Variants in RIC3 observed in about 807,000 individuals in gnomAD.
RIC3 encodes the protein RIC3 acetylcholine receptor chaperone.
In RIC3, 28 loss-of-function variants were observed where a neutral mutation model predicts 27.3. The observed-to-expected ratio is 1.02, with a 90% CI of 0.76 to 1.41. RIC3 has a LOEUF of 1.41. Among genes scored for constraint, RIC3 ranks in the 40% most tolerant of loss-of-function variants. The probability of loss-of-function intolerance (pLI) is 0.00; values close to 1 mark genes in which losing one functional copy is unlikely to be tolerated. For synonymous variants in RIC3, 184 were observed against 160.4 expected (o/e 1.15, Z -1.11); for missense variants, 501 against 444.7 (o/e 1.13, Z -1.14).
At chr11:8,151,043 G>A (rs1170249896) in intron 1 of RIC3, among the ~76,000 whole-genome samples, 2 of 152,158 alleles carry the variant, frequency 1.3e-5, no homozygotes, top group Non-Finnish European at 2.9e-5. Flanking sequence ...AAATCTTACA[G>A]GAAAACATAG....
At chr11:8,158,658 G>T (rs1024211799) in intron 1 of RIC3, among the ~76,000 whole-genome samples, 1 of 149,820 alleles carries the variant, frequency 6.7e-6, no homozygotes, top group Admixed American at 6.7e-5. Flanking sequence ...TCAGGAGAAT[G>T]AGATCTTAGT....
chr11:8,124,283 C>A (rs561504930), intron 5 of RIC3, among the ~76,000 whole-genome samples: 2 of 152,218 alleles, frequency 1.3e-5, no homozygotes, highest in South Asian at 4.2e-4. Context: ...ACCCTGAAAT[C>A]AAAACCAAAG....
the RIC3 span, among the ~76,000 whole-genome samples, chr11:8,099,936 G>A: frequency 3.9e-5 from 6 of 152,226 alleles, no homozygotes; most frequent in Non-Finnish European, 8.8e-5. Context: ...CCACGTGCAG[G>A]TGAAGTCACA....
At chr11:8,097,870 G>C in the RIC3 span, 1 of 1,491,204 alleles carries the variant, frequency 6.7e-7, no homozygotes, top group Non-Finnish European at 9.3e-7. Context: ...GGGAGGGAGG[G>C]GCAGGGGCAA....
intron 5 of RIC3, among the ~76,000 whole-genome samples, chr11:8,117,189 C>T (rs71474963): frequency 0.019 from 2,840 of 152,296 alleles, 40 homozygotes; most frequent in Non-Finnish European, 0.03. Context: ...CCACCTCAGC[C>T]TCCCAAGTTG....
intron 5 of RIC3, among the ~76,000 whole-genome samples, chr11:8,126,120 A>G (rs1167380392): frequency 6.6e-6 from 1 of 152,220 alleles, no homozygotes; most frequent in African/African-American, 2.4e-5. Flanking sequence ...AAATACAAAT[A>G]TATGTTCAAA....
At chr11:8,111,180 TCA>T in intron 5 of RIC3, 43 bp from the exon 6 acceptor site, 1 of 1,181,042 alleles carries the variant, frequency 8.5e-7, no homozygotes, top group Admixed American at 2.9e-5. Context: ...GAATGTCTCC[TCA>T]AAAAAAAAAA....
downstream of RIC3, chr11:8,101,771 T>C: frequency 7.6e-7 from 1 of 1,307,286 alleles, no homozygotes; most frequent in Non-Finnish European, 1.0e-6. Flanking sequence ...AGCCAGGAAC[T>C]GGCTCCTTTG....
Position 8,126,651 on chromosome 11 carries a change from C to G in RIC3, c.670+8G>C, listed in dbSNP as rs751877035. The G allele has an allele frequency of 1.2e-6, 2 of 1,613,786 alleles. No homozygotes were observed. The highest frequency in any genetic ancestry group is 1.7e-5 in the Admixed American group (1 of 59,998). On this transcript the variant is annotated splice_region_variant and intron_variant, in intron 5 of 5. Coordinates refer to ENST00000309737, the MANE Select transcript of RIC3 (RefSeq NM_001206671.4). Reference sequence around the variant, plus strand: ...CAGCTAACAAAAAAATGAGAAGACACTGTTTACCTTCCCAGTCCTCCATGT... The same window carrying G: ...CAGCTAACAAAAAAATGAGAAGACAGTGTTTACCTTCCCAGTCCTCCATGT...
chr11:8,097,619 G>GACGCA, the RIC3 span: 3 of 1,321,654 alleles, frequency 2.3e-6, no homozygotes, highest in Non-Finnish European at 3.2e-6. Flanking sequence ...GCGTTTGGGA[G>GACGCA]CTGACGCAAC....
the RIC3 span, chr11:8,096,806 G>A: frequency 6.2e-7 from 1 of 1,614,142 alleles, no homozygotes; most frequent in African/African-American, 1.3e-5. Flanking sequence ...AGTCCGTCAG[G>A]GTGAGTGAGT....
chr11:8,115,720 A>G (rs1020281158), intron 5 of RIC3, among the ~76,000 whole-genome samples: 1 of 152,154 alleles, frequency 6.6e-6, no homozygotes, highest in South Asian at 2.1e-4. Context: ...AATGAAAACT[A>G]TAAAACATTG....
chr11:8,162,630 T>TTC (rs1491223480), intron 1 of RIC3, among the ~76,000 whole-genome samples: 19 of 57,512 alleles, frequency 3.3e-4, no homozygotes, highest in African/African-American at 1.9e-3. Flanking sequence ...ATGCTTCTTC[T>TTC]TTTTTTTTTT....
downstream of RIC3, chr11:8,104,248 G>A (rs774675146): frequency 6.6e-6 from 1 of 152,224 alleles, no homozygotes; most frequent in Admixed American, 6.5e-5. Context: ...TAATGGTATT[G>A]GGCAGTTGGG....
chr11:8,159,991 A>G (rs1951026162), intron 1 of RIC3, among the ~76,000 whole-genome samples: 1 of 152,160 alleles, frequency 6.6e-6, no homozygotes, highest in Admixed American at 6.6e-5. Context: ...ACAAAAAGAG[A>G]AAACATGCTG....
chr11:8,131,015 G>A (rs1487929687), intron 4 of RIC3, among the ~76,000 whole-genome samples: 1 of 152,188 alleles, frequency 6.6e-6, no homozygotes, highest in Non-Finnish European at 1.5e-5. Flanking sequence ...GAGATAATCT[G>A]TTTGGAAAAC....
At chr11:8,120,896 G>A (rs1042728979) in intron 5 of RIC3, among the ~76,000 whole-genome samples, 10 of 151,928 alleles carry the variant, frequency 6.6e-5, no homozygotes, top group Non-Finnish European at 1.3e-4. Flanking sequence ...CATAATCAAC[G>A]ATTTTATACC....
At chr11:8,129,198 CTCCCACTTCTTTAAA>C (rs1446681065) in intron 4 of RIC3, among the ~76,000 whole-genome samples, 1 of 151,818 alleles carries the variant, frequency 6.6e-6, no homozygotes, top group Non-Finnish European at 1.5e-5. Flanking sequence ...CATTTGTATT[CTCCCACTTCTTTAAA>C]CATTCCTTTT....
chr11:8,153,263 T>C (rs1361013545), intron 1 of RIC3: 1 of 332,742 alleles, frequency 3.0e-6, no homozygotes, highest in Non-Finnish European at 5.8e-6. Context: ...CTTAACAATG[T>C]GACAGACACT....
Sources: gnomAD v4.1 joint callset for allele counts (sites outside exome capture counted in the v4.1 genomes callset) on GRCh38, gnomAD v4.1.1 for gene constraint, MANE v1.5 for transcripts, NCBI Gene and HGNC (gene_info 2026-07-23, HGNC 2026-07-21) for gene names.